Variants in THSD7B observed in about 807,000 individuals in gnomAD.
THSD7B encodes the protein thrombospondin type-1 domain-containing protein 7B.
Under a neutral mutation model 213.6 loss-of-function variants are expected in THSD7B, and 138 were observed. That is an observed-to-expected ratio of 0.65 (90% CI 0.56 to 0.74). The LOEUF is 0.74. Among genes scored for constraint, THSD7B ranks in the 30% least tolerant of loss-of-function variants. The pLI is 0.00. For missense variants in THSD7B, 1,931 were observed against 1,991.5 expected (o/e 0.97, Z 0.58); for synonymous variants, 742 against 687.0 (o/e 1.08, Z -1.25).
At chr2:137,297,814 T>C (rs933625293) in intron 12 of THSD7B, among the ~76,000 whole-genome samples, 1 of 152,162 alleles carries the variant, frequency 6.6e-6, no homozygotes, top group Admixed American at 6.5e-5. Flanking sequence ...AAGAAGTGTT[T>C]TTAGCCTTCT....
At chr2:137,086,426 T>C (rs1257772801) in intron 3 of THSD7B, among the ~76,000 whole-genome samples, 1 of 152,136 alleles carries the variant, frequency 6.6e-6, no homozygotes, top group African/African-American at 2.4e-5. Context: ...CACCCCTTGG[T>C]TCCTAACTCG....
intron 12 of THSD7B, among the ~76,000 whole-genome samples, chr2:137,399,350 G>A (rs562832769): frequency 5.3e-5 from 8 of 151,878 alleles, no homozygotes; most frequent in South Asian, 2.1e-4. Flanking sequence ...GCGCAGCCAC[G>A]CCTGGCTAAT....
At position 137,618,411 on chromosome 2, in the gene THSD7B, GAGTGA is replaced by G; in HGVS notation, c.3587_3591del (p.Ser1196LysfsTer19). 6.2e-7 allele frequency: 1 copy of G among 1,613,828 alleles called. No homozygotes were observed. The highest frequency in any genetic ancestry group is 8.5e-7 in the Non-Finnish European group (1 of 1,179,850). On this transcript the variant is annotated frameshift_variant, in exon 19 of 28. Coordinates refer to ENST00000409968, the MANE Select transcript of THSD7B (RefSeq NM_001316349.2). LOFTEE classifies it high-confidence loss of function. The stretch of plus-strand genomic sequence containing the variant: ...CTGTAGAGTGGAGCACATGCCAGCT[GAGTGA>G]AAACGCACCCTGTGGTCAAGGCGTC...
Position 137,405,815 on chromosome 2 carries a change from G to T in THSD7B, c.2695+8G>T, listed in dbSNP as rs770906693. On this transcript the variant is annotated splice_region_variant and intron_variant, in intron 13 of 27. Coordinates refer to ENST00000409968, the MANE Select transcript of THSD7B (RefSeq NM_001316349.2). ...GGCGGCGACAGCTCACAGGTATAGT[G>T]TGCATTTTACTCTTTAGCATCAGGC... is the stretch of plus-strand genomic sequence containing the variant. The T allele has an allele frequency of 6.2e-7, 1 of 1,603,532 alleles. No homozygotes were observed. Among genetic ancestry groups the T allele is most frequent in the Non-Finnish European group, 8.5e-7 (1 of 1,175,140 alleles).
chr2:137,489,534 A>G (rs1189147458), intron 15 of THSD7B, among the ~76,000 whole-genome samples: 1 of 152,172 alleles, frequency 6.6e-6, no homozygotes, highest in Non-Finnish European at 1.5e-5. Context: ...CTTATTGACC[A>G]TAAGTTGTTT....
At chr2:137,152,935 G>T (rs1156823523) in intron 5 of THSD7B, among the ~76,000 whole-genome samples, 1 of 151,970 alleles carries the variant, frequency 6.6e-6, no homozygotes, top group Non-Finnish European at 1.5e-5. Flanking sequence ...TCTCTTCTGT[G>T]TCATCAATAA....
chr2:136,840,478 G>T (rs1682905091), intron 1 of THSD7B, among the ~76,000 whole-genome samples: 1 of 152,160 alleles, frequency 6.6e-6, no homozygotes, highest in African/African-American at 2.4e-5. Flanking sequence ...GGAAGTTGGA[G>T]AACAGCTTGC....
chr2:137,632,028 C>G (rs1212188450), intron 20 of THSD7B, among the ~76,000 whole-genome samples: 1 of 152,134 alleles, frequency 6.6e-6, no homozygotes, highest in East Asian at 1.9e-4. Context: ...ATGATAGGCA[C>G]TGAAGTAATC....
chr2:137,260,931 C>G (rs1253172740), intron 10 of THSD7B, among the ~76,000 whole-genome samples: 1 of 151,964 alleles, frequency 6.6e-6, no homozygotes, highest in Non-Finnish European at 1.5e-5. Flanking sequence ...CTTATTTGTT[C>G]AACGATTATT....
At chr2:137,476,125 C>T (rs1688185613) in intron 15 of THSD7B, among the ~76,000 whole-genome samples, 1 of 152,070 alleles carries the variant, frequency 6.6e-6, no homozygotes, top group Non-Finnish European at 1.5e-5. Flanking sequence ...CATGTGTCCT[C>T]ATGTCCTTTG....
At chr2:136,848,763 A>T (rs1683049604) in intron 1 of THSD7B, among the ~76,000 whole-genome samples, 1 of 152,126 alleles carries the variant, frequency 6.6e-6, no homozygotes, top group Admixed American at 6.6e-5. Flanking sequence ...TTCTCTTGAA[A>T]GTTTGTTTAG....
At chr2:137,609,199 A>G (rs1192781569) in intron 17 of THSD7B, among the ~76,000 whole-genome samples, 2 of 152,186 alleles carry the variant, frequency 1.3e-5, no homozygotes, top group East Asian at 1.9e-4. Flanking sequence ...AGTATCTCTA[A>G]AGCCCATGAG....
At chr2:137,614,094 A>AT (rs1682337813) in intron 17 of THSD7B, among the ~76,000 whole-genome samples, 2 of 152,220 alleles carry the variant, frequency 1.3e-5, no homozygotes, top group Non-Finnish European at 2.9e-5. Context: ...ATGGGAAGAA[A>AT]TTTAGTAGGG....
At chr2:137,417,496 G>A (rs1031492145) in intron 14 of THSD7B, among the ~76,000 whole-genome samples, 2 of 152,130 alleles carry the variant, frequency 1.3e-5, no homozygotes, top group Non-Finnish European at 2.9e-5. Flanking sequence ...CTAGATTACA[G>A]TAGCATGATT....
intron 1 of THSD7B, among the ~76,000 whole-genome samples, chr2:136,866,273 A>AT (rs35886315): frequency 6.6e-6 from 1 of 151,832 alleles, no homozygotes; most frequent in South Asian, 2.1e-4. Flanking sequence ...AAGTTTATGA[A>AT]TTTTTTTTCT....
chr2:137,382,635 G>T (rs1246124338), intron 12 of THSD7B, among the ~76,000 whole-genome samples: 1 of 152,226 alleles, frequency 6.6e-6, no homozygotes, highest in Non-Finnish European at 1.5e-5. Flanking sequence ...AGTGGGATGG[G>T]TGCATTCATG....
At chr2:136,957,366 G>A (rs1046935044) in intron 2 of THSD7B, among the ~76,000 whole-genome samples, 5 of 152,004 alleles carry the variant, frequency 3.3e-5, no homozygotes, top group Non-Finnish European at 7.4e-5. Flanking sequence ...AGGAGGTCCT[G>A]AGGGCACTGT....
chr2:137,043,494 G>A (rs1254906959), intron 2 of THSD7B, among the ~76,000 whole-genome samples: 1 of 152,128 alleles, frequency 6.6e-6, no homozygotes, highest in Non-Finnish European at 1.5e-5. Flanking sequence ...CAAGGTAAAG[G>A]GTCTCTCACT....
intron 2 of THSD7B, among the ~76,000 whole-genome samples, chr2:136,962,017 A>T (rs1004195765): frequency 6.6e-5 from 10 of 152,162 alleles, no homozygotes; most frequent in African/African-American, 2.4e-4. Context: ...AGATGGGGAG[A>T]TTATCCTACA....
Sources: allele counts gnomAD v4.1 joint callset (sites outside exome capture counted in the v4.1 genomes callset), GRCh38; gene constraint gnomAD v4.1.1; transcripts MANE v1.5; gene names NCBI Gene and HGNC (gene_info 2026-07-23, HGNC 2026-07-21).